BNC2: variants seen among roughly 807,000 people sequenced by gnomAD.
The protein encoded by BNC2 is basonuclin zinc finger protein 2, also known as zinc finger protein basonuclin-2.
Under a neutral mutation model 76.3 loss-of-function variants are expected in BNC2, and 20 were observed. That is an observed-to-expected ratio of 0.26 (90% CI 0.18 to 0.38). BNC2 has a LOEUF of 0.38. Among genes scored for constraint, BNC2 ranks in the 10% least tolerant of loss-of-function variants. The probability of loss-of-function intolerance (pLI) is 1.00; values close to 1 mark genes in which losing one functional copy is unlikely to be tolerated. For missense variants in BNC2, 1,382 were observed against 1,399.8 expected (o/e 0.99, Z 0.20); for synonymous variants, 582 against 514.8 (o/e 1.13, Z -1.77).
intron 1 of BNC2, among the ~76,000 whole-genome samples, chr9:16,866,663 TAAAAA>T (rs55953726): frequency 1.3e-4 from 13 of 96,818 alleles, no homozygotes; most frequent in South Asian, 8.1e-4. Flanking sequence ...CTGTCACTTT[TAAAAA>T]AAAAAAAAAA....
chr9:16,660,046 C>A (rs960097953), intron 3 of BNC2, among the ~76,000 whole-genome samples: 43 of 152,170 alleles, frequency 2.8e-4, no homozygotes, highest in African/African-American at 9.7e-4. Context: ...ACATCTCACC[C>A]CCAAATAAGT....
chr9:16,544,015 A>G (rs1587151273), intron 5 of BNC2, among the ~76,000 whole-genome samples: 1 of 152,198 alleles, frequency 6.6e-6, no homozygotes, highest in Admixed American at 6.5e-5. Context: ...AAAAAGAATC[A>G]CATATTGGTG....
chr9:16,858,800 T>C (rs10283611), intron 1 of BNC2, among the ~76,000 whole-genome samples: 137,922 of 151,376 alleles, frequency 0.91, 63,066 homozygotes, highest in Non-Finnish European at 0.96. Context: ...GAGCCAAGAT[T>C]GCACCACTGC....
chr9:16,475,543 A>G (rs1821910330), intron 5 of BNC2, among the ~76,000 whole-genome samples: 1 of 152,230 alleles, frequency 6.6e-6, no homozygotes, highest in Admixed American at 6.5e-5. Context: ...GTTCTGCTCT[A>G]TTCAGAGCTG....
chr9:16,870,561 C>A, intron 1 of BNC2, 85 bp downstream of exon 1: 1 of 1,516,040 alleles, frequency 6.6e-7, no homozygotes. Flanking sequence ...ACACGGCCCC[C>A]GGGCGGCCCC....
At chr9:16,701,372 C>T (rs1823506495) in intron 3 of BNC2, among the ~76,000 whole-genome samples, 1 of 152,126 alleles carries the variant, frequency 6.6e-6, no homozygotes, top group Non-Finnish European at 1.5e-5. Flanking sequence ...ACATGTTAGG[C>T]CTTGATTTCT....
In BNC2 at chr9:16,436,679, G is replaced by A. The variant is rs754474603; in HGVS notation, c.1515C>T (p.Asn505=). The change falls in exon 6 of 7, where the codon AAC becomes AAT. Residue 505 remains asparagine (N), a synonymous_variant. Transcript: ENST00000380672. The part of the protein sequence containing the change: ...PRLHMPMLRN[N]RDKDLIRATS... ...TGGCCCGAATTAAATCTTTATCTCG[G>A]TTATTCCTTAGCATAGGCATGTGAA... 6.2e-7 allele frequency: 1 copy of A among 1,614,124 alleles called. No homozygotes were observed. Among genetic ancestry groups the A allele is most frequent in the Non-Finnish European group, 8.5e-7 (1 of 1,180,034 alleles).
chr9:16,529,099 A>C (rs1308205267), intron 5 of BNC2, among the ~76,000 whole-genome samples: 3 of 152,122 alleles, frequency 2.0e-5, no homozygotes, highest in African/African-American at 4.8e-5. Context: ...TAATCTCCTA[A>C]TATCTTACAC....
intron 3 of BNC2, among the ~76,000 whole-genome samples, chr9:16,630,706 T>C (rs1409508372): frequency 6.6e-6 from 1 of 151,934 alleles, no homozygotes; most frequent in Admixed American, 6.6e-5. Flanking sequence ...CACCAGTAGT[T>C]ACACTGCAAA....
chr9:16,705,077 T>A (rs1009784663), intron 3 of BNC2: 2 of 152,216 alleles, frequency 1.3e-5, no homozygotes, highest in African/African-American at 4.8e-5. Context: ...AGCTTCATGC[T>A]AGTGGGTAAA....
intron 1 of BNC2, among the ~76,000 whole-genome samples, chr9:16,816,801 A>G (rs1010636570): frequency 1.3e-4 from 20 of 152,302 alleles, no homozygotes; most frequent in Admixed American, 1.1e-3. Context: ...TGTGCGGTCT[A>G]AAGATGCTCA....
intron 1 of BNC2, among the ~76,000 whole-genome samples, chr9:16,823,385 G>C (rs1372601079): frequency 1.4e-5 from 2 of 142,280 alleles, no homozygotes; most frequent in African/African-American, 2.6e-5. Context: ...GAGCTCAGGA[G>C]TTCAAGACCA....
At chr9:16,657,875 G>C (rs1184687418) in intron 3 of BNC2, among the ~76,000 whole-genome samples, 1 of 152,144 alleles carries the variant, frequency 6.6e-6, no homozygotes, top group Non-Finnish European at 1.5e-5. Flanking sequence ...ACATAGGTGT[G>C]TTGATCTTAG....
chr9:16,743,319 T>TC (rs36007355), intron 1 of BNC2, among the ~76,000 whole-genome samples: 1 of 152,112 alleles, frequency 6.6e-6, no homozygotes, highest in Admixed American at 6.5e-5. Flanking sequence ...CTTTTTTTTT[T>TC]CCCCATGTTT....
chr9:16,816,043 T>C (rs1818173738), intron 1 of BNC2, among the ~76,000 whole-genome samples: 1 of 152,148 alleles, frequency 6.6e-6, no homozygotes, highest in African/African-American at 2.4e-5. Context: ...TTATTTATTA[T>C]TTTTCATGTT....
intron 3 of BNC2, among the ~76,000 whole-genome samples, chr9:16,620,302 C>G (rs1820829578): frequency 1.3e-5 from 2 of 152,290 alleles, no homozygotes; most frequent in South Asian, 2.1e-4. Flanking sequence ...TTAAAACTGG[C>G]AGCAGCAAAG....
chr9:16,566,838 A>G (rs943746), intron 4 of BNC2, among the ~76,000 whole-genome samples: 8,674 of 152,222 alleles, frequency 0.057, 882 homozygotes, highest in African/African-American at 0.2. Context: ...TTTGTAAAAG[A>G]CCTGGAGGAA....
At chr9:16,765,752 T>A (rs889323384) in intron 1 of BNC2, among the ~76,000 whole-genome samples, 1 of 151,980 alleles carries the variant, frequency 6.6e-6, no homozygotes, top group African/African-American at 2.4e-5. Flanking sequence ...TCAAAAAACT[T>A]ACTTCTTAGC....
chr9:16,818,663 G>T (rs1586908753), intron 1 of BNC2, among the ~76,000 whole-genome samples: 1 of 152,112 alleles, frequency 6.6e-6, no homozygotes, highest in African/African-American at 2.4e-5. Flanking sequence ...CTAGATCTAT[G>T]AATTTTAATG....
Sources: gnomAD v4.1 joint callset for allele counts (sites outside exome capture counted in the v4.1 genomes callset) on GRCh38, gnomAD v4.1.1 for gene constraint, MANE v1.5 for transcripts, NCBI Gene and HGNC (gene_info 2026-07-23, HGNC 2026-07-21) for gene names.